The following LIN9 variants were observed in gnomAD, a reference collection of about 807,000 sequenced individuals.
The protein encoded by LIN9 is protein lin-9 homolog.
A neutral mutation model predicts 78.0 loss-of-function variants in LIN9; 18 were observed. The ratio of observed to expected loss-of-function variants is 0.23; its 90% CI spans 0.16 to 0.34. The LOEUF (loss-of-function observed/expected upper bound fraction) is 0.34. Ranked by LOEUF, LIN9 falls within the 10% of genes least tolerant of loss-of-function variation. LIN9 has a pLI of 1.00. For synonymous variants in LIN9, 192 were observed against 215.2 expected (o/e 0.89, Z 0.94); for missense variants, 451 against 644.1 (o/e 0.70, Z 3.25).
intron 10 of LIN9, among the ~76,000 whole-genome samples, chr1:226,252,910 T>G (rs1243358353): frequency 2.1e-4 from 32 of 151,818 alleles, no homozygotes; most frequent in Non-Finnish European, 5.9e-5. Flanking sequence ...GAGGCTGCAG[T>G]GAGCAAAGTG....
chr1:226,284,397 T>A (rs1423249472), intron 6 of LIN9, among the ~76,000 whole-genome samples: 2 of 152,136 alleles, frequency 1.3e-5, no homozygotes, highest in African/African-American at 4.8e-5. Flanking sequence ...ATTTCTCCCC[T>A]CTTATATGTG....
rs2377028 is a variant in LIN9 at position 226,231,536 on chromosome 1, C to T, written c.*965G>A. The T allele has an allele frequency of 2.0e-5, 3 of 152,274 alleles. No homozygotes were observed. The highest frequency in any genetic ancestry group is 6.6e-5 in the Admixed American group (1 of 15,248). 9.4% of individuals were successfully genotyped at this position (152,274 alleles called of 1,614,324 possible). On this transcript the variant is annotated 3_prime_UTR_variant, in exon 15 of 15. Coordinates refer to ENST00000681046, the MANE Select transcript of LIN9 (RefSeq NM_001366245.2). The stretch of plus-strand genomic sequence containing the variant: ...TTTACAAGATTAACATTTTAGGCAG[C>T]GTTTTCCTAAAAAAGAAAAACAACC...
chr1:226,301,627 G>T (rs1662538887), intron 1 of LIN9, among the ~76,000 whole-genome samples: 1 of 152,190 alleles, frequency 6.6e-6, no homozygotes. Flanking sequence ...ATGATTCAGG[G>T]ACTGTCAGAG....
chr1:226,284,673 G>A (rs1288863350), intron 6 of LIN9, among the ~76,000 whole-genome samples: 14 of 152,256 alleles, frequency 9.2e-5, no homozygotes, highest in East Asian at 1.9e-4. Context: ...GCAGTAAGCC[G>A]AGATCACGCC....
chr1:226,305,876 A>G (rs920232253), intron 1 of LIN9, among the ~76,000 whole-genome samples: 3 of 152,154 alleles, frequency 2.0e-5, no homozygotes, highest in Non-Finnish European at 4.4e-5. Flanking sequence ...GTTTGTGGGA[A>G]GGGGGCTGAA....
intron 10 of LIN9, among the ~76,000 whole-genome samples, chr1:226,254,588 C>T (rs1659064564): frequency 6.6e-6 from 1 of 151,990 alleles, no homozygotes; most frequent in Non-Finnish European, 1.5e-5. Flanking sequence ...CATCCTAACA[C>T]CAGGTAAAAA....
At chr1:226,241,357 AGT>A (rs1658097909) in intron 11 of LIN9, among the ~76,000 whole-genome samples, 1 of 152,210 alleles carries the variant, frequency 6.6e-6, no homozygotes, top group African/African-American at 2.4e-5. Flanking sequence ...CTCGGGGAAA[AGT>A]GTATACTTTT....
intron 4 of LIN9, among the ~76,000 whole-genome samples, chr1:226,294,922 C>T (rs1183384718): frequency 1.3e-5 from 2 of 151,714 alleles, no homozygotes; most frequent in Admixed American, 1.3e-4. Flanking sequence ...GCCTCAGCCT[C>T]TCAAGTAGCT....
At chr1:226,262,777 C>T (rs1310026048) in intron 10 of LIN9, among the ~76,000 whole-genome samples, 1 of 152,170 alleles carries the variant, frequency 6.6e-6, no homozygotes, top group East Asian at 1.9e-4. Flanking sequence ...AGCAATTACA[C>T]TCCTTGGTAT....
chr1:226,301,340 C>T (rs1392770136), intron 1 of LIN9, 135 bp from the exon 2 acceptor site: 10 of 592,254 alleles, frequency 1.7e-5, no homozygotes, highest in Admixed American at 2.9e-5. Context: ...ATGTGCAATT[C>T]GAAATATCTG....
Position 226,280,943 on chromosome 1 carries a change from T to C in LIN9, c.525-3011A>G, listed in dbSNP as rs185311321. Among the ~76,000 whole-genome samples the C allele has an allele frequency of 1.3e-4, 20 of 152,332 alleles. No individual in the cohort carries two copies. The East Asian group carries it at 3.7e-3, about 28-fold the overall frequency. ...TGTATATTCAAAAAAAGGAAATCAGTATATCAAAGAGATATCTGTACTCCC... is the reference window on the plus strand; with the variant it reads ...TGTATATTCAAAAAAAGGAAATCAGCATATCAAAGAGATATCTGTACTCCC... On this transcript the variant is annotated intron_variant, in intron 6 of 14. Transcript: ENST00000681046.
chr1:226,239,817 C>T (rs1188359970), intron 11 of LIN9, among the ~76,000 whole-genome samples: 3 of 152,188 alleles, frequency 2.0e-5, no homozygotes, highest in African/African-American at 4.8e-5. Context: ...ATTTCCTTCC[C>T]TCTCTTCACA....
intron 10 of LIN9, among the ~76,000 whole-genome samples, chr1:226,252,281 AAAATAAAT>A (rs59130234): frequency 3.8e-4 from 53 of 140,878 alleles, no homozygotes; most frequent in South Asian, 2.5e-3. Context: ...ACCCCATCTC[AAAATAAAT>A]AAATAAATAA....
At position 226,265,667 on chromosome 1, in the gene LIN9, G is replaced by T; in HGVS notation, c.937-33C>A. ...AATAAAAAGGAATTATTTAATCATT[G>T]ACTATTCAGAGGAAGTATCTTATTT... On this transcript the variant is annotated intron_variant, in intron 9 of 14. Transcript: ENST00000681046. The surrounding 1 kb of genome is among the most constrained non-coding windows in gnomAD (Gnocchi z 4.1). The T allele has an allele frequency of 1.8e-6, 2 of 1,122,072 alleles. No individual in the cohort carries two copies. Among genetic ancestry groups the T allele is most frequent in the Non-Finnish European group, 2.7e-6 (2 of 744,290 alleles). The allele number at this position is 1,122,072 out of a possible 1,614,324, so 69.5% of individuals were successfully genotyped here.
chr1:226,245,178 T>C (rs1038662075), intron 11 of LIN9, among the ~76,000 whole-genome samples: 1 of 152,194 alleles, frequency 6.6e-6, no homozygotes, highest in Non-Finnish European at 1.5e-5. Flanking sequence ...GTTATAATTT[T>C]ATGTGACGCC....
chr1:226,237,979 T>C (rs1382151272), intron 12 of LIN9, among the ~76,000 whole-genome samples: 2 of 150,762 alleles, frequency 1.3e-5, no homozygotes, highest in African/African-American at 2.4e-5. Context: ...GAATCTGATA[T>C]CACAAATAGA....
chr1:226,245,913 A>T (rs1249559023), intron 11 of LIN9, among the ~76,000 whole-genome samples: 2 of 152,270 alleles, frequency 1.3e-5, no homozygotes, highest in East Asian at 3.9e-4. Context: ...CTTCCCCCTA[A>T]TTAGCTTGAT....
chr1:226,233,333 C>T lies in LIN9; in HGVS notation c.1425+11G>A, dbSNP rs1451132199. On this transcript the variant is annotated intron_variant, in intron 13 of 14. Transcript: ENST00000681046. Reference sequence around the variant, plus strand: ...GTGTCAAATTAAGAAAATATTTTCTCTAAGATTTACCTTAATTTGTAACAA... The same window carrying T: ...GTGTCAAATTAAGAAAATATTTTCTTTAAGATTTACCTTAATTTGTAACAA... The T allele has an allele frequency of 1.9e-6, 3 of 1,595,860 alleles. No individual in the cohort carries two copies. The highest frequency in any genetic ancestry group is 2.6e-6 in the Non-Finnish European group (3 of 1,170,278).
chr1:226,236,964 T>C (rs913483861), intron 12 of LIN9, among the ~76,000 whole-genome samples: 4 of 152,272 alleles, frequency 2.6e-5, no homozygotes, highest in African/African-American at 9.6e-5. Flanking sequence ...TTCTAGTATA[T>C]GTATTTTGGT....
Sources: allele counts gnomAD v4.1 joint callset (sites outside exome capture counted in the v4.1 genomes callset), GRCh38; gene constraint gnomAD v4.1.1; non-coding constraint Gnocchi (gnomAD v3.1); transcripts MANE v1.5; gene names NCBI Gene and HGNC (gene_info 2026-07-23, HGNC 2026-07-21).